The following TOX2 variants were observed in gnomAD, a reference collection of about 807,000 sequenced individuals.
TOX2 encodes TOX high mobility group box family member 2.
In TOX2, 15 loss-of-function variants were observed where a neutral mutation model predicts 47.4. The ratio of observed to expected loss-of-function variants is 0.32; its 90% CI spans 0.21 to 0.49. The LOEUF (loss-of-function observed/expected upper bound fraction) is 0.49. Ranked by LOEUF, TOX2 falls within the 20% of genes least tolerant of loss-of-function variation. The probability of loss-of-function intolerance (pLI) is 0.99; values close to 1 mark genes in which losing one functional copy is unlikely to be tolerated. For synonymous variants in TOX2, 290 were observed against 296.6 expected (o/e 0.98, Z 0.23); for missense variants, 622 against 673.1 (o/e 0.92, Z 0.84).
intron 1 of TOX2, among the ~76,000 whole-genome samples, chr20:43,918,411 G>C (rs966823442): frequency 2.0e-5 from 3 of 152,174 alleles, no homozygotes; most frequent in Admixed American, 6.5e-5. Context: ...CAGCATCCCA[G>C]TCCAGATAGA....
At chr20:43,966,757 A>C (rs1047084108) in intron 1 of TOX2, among the ~76,000 whole-genome samples, 91 of 151,326 alleles carry the variant, frequency 6.0e-4, no homozygotes, top group South Asian at 4.0e-3. Flanking sequence ...CTGTCTCAAA[A>C]AAAAAAAAAA....
At chr20:43,973,555 T>C (rs2070017008) in intron 2 of TOX2, 123 bp downstream of exon 2, 2 of 784,444 alleles carry the variant, frequency 2.5e-6, no homozygotes, top group Admixed American at 2.3e-5. Flanking sequence ...GTCTTCTCTC[T>C]GAATGATCAA....
At chr20:43,986,492 G>C (rs190584432) in intron 2 of TOX2, among the ~76,000 whole-genome samples, 102 of 152,186 alleles carry the variant, frequency 6.7e-4, no homozygotes, top group African/African-American at 2.4e-3. Context: ...ATGTTGGCCA[G>C]GCTGGTCTCG....
chr20:43,951,287 G>A (rs563545944), intron 1 of TOX2, among the ~76,000 whole-genome samples: 2 of 151,644 alleles, frequency 1.3e-5, no homozygotes, highest in South Asian at 4.1e-4. Flanking sequence ...TTAAAATAGA[G>A]TAGATAGGCC....
chr20:44,008,119 T>A (rs1304098149), intron 3 of TOX2, among the ~76,000 whole-genome samples: 1 of 152,052 alleles, frequency 6.6e-6, no homozygotes, highest in Non-Finnish European at 1.5e-5. Flanking sequence ...GCTCGTGCCA[T>A]GCTTGGGAAT....
intron 3 of TOX2, among the ~76,000 whole-genome samples, chr20:44,044,691 A>T (rs1186024555): frequency 6.6e-6 from 1 of 152,178 alleles, no homozygotes; most frequent in African/African-American, 2.4e-5. Context: ...AATTGAAGTG[A>T]TATAGCCACT....
intron 1 of TOX2, among the ~76,000 whole-genome samples, chr20:43,940,284 T>C (rs1412214900): frequency 2.6e-5 from 4 of 152,074 alleles, no homozygotes; most frequent in African/African-American, 7.2e-5. Flanking sequence ...GGCATGATTA[T>C]AGTTCACTGC....
rs915272252 is a variant in TOX2, at chr20:43,952,464, G to C, written c.100-20903G>C. Among the ~76,000 whole-genome samples, 22 of 152,200 alleles carry C rather than the reference G, an allele frequency of 1.4e-4. 1 individual carries two copies. Among genetic ancestry groups the C allele is most frequent in the African/African-American group, 5.3e-4 (22 of 41,434 alleles). The stretch of plus-strand genomic sequence containing the variant: ...CATGACAATCAGCAGAGAAGTAGGG[G>C]TTGGGCTCTGCTCCACAGATCACTC... On this transcript the variant is annotated intron_variant, in intron 1 of 8. Coordinates refer to ENST00000341197, the MANE Select transcript of TOX2 (RefSeq NM_001098797.2).
intron 1 of TOX2, among the ~76,000 whole-genome samples, chr20:43,971,499 T>C (rs1039883462): frequency 2.0e-5 from 3 of 152,156 alleles, no homozygotes; most frequent in African/African-American, 4.8e-5. Context: ...TTTCACATGG[T>C]TGTGGGCGTG....
At chr20:44,030,603 A>C (rs1021840697) in intron 3 of TOX2, among the ~76,000 whole-genome samples, 1 of 152,200 alleles carries the variant, frequency 6.6e-6, no homozygotes, top group South Asian at 2.1e-4. Context: ...TTGACCGCTG[A>C]TCTTACAGCC....
chr20:44,031,416 G>A (rs2071149347), intron 3 of TOX2, among the ~76,000 whole-genome samples: 1 of 152,212 alleles, frequency 6.6e-6, no homozygotes, highest in African/African-American at 2.4e-5. Context: ...GAGCGCATTA[G>A]TAGCATGGGT....
intron 2 of TOX2, among the ~76,000 whole-genome samples, chr20:43,983,279 C>T (rs1199569577): frequency 6.6e-6 from 1 of 152,172 alleles, no homozygotes; most frequent in African/African-American, 2.4e-5. Flanking sequence ...AACAGACACA[C>T]AAGAACTTGG....
chr20:44,048,167 G>A (rs974271952), intron 3 of TOX2, among the ~76,000 whole-genome samples: 5 of 151,884 alleles, frequency 3.3e-5, no homozygotes, highest in Admixed American at 1.3e-4. Flanking sequence ...AGAGGTTGTG[G>A]TGAGCCGAGA....
At chr20:43,922,046 G>A (rs3886281) in intron 1 of TOX2, among the ~76,000 whole-genome samples, 99,190 of 152,012 alleles carry the variant, frequency 0.65, 34,317 homozygotes, top group East Asian at 0.81. Context: ...CAGCTGCCCA[G>A]TCCACTGGCT....
intron 2 of TOX2, among the ~76,000 whole-genome samples, chr20:43,991,225 C>A (rs2070362152): frequency 6.6e-6 from 1 of 152,176 alleles, no homozygotes; most frequent in Non-Finnish European, 1.5e-5. Flanking sequence ...AACCAGGAGA[C>A]CCCGATGGGC....
At chr20:43,994,053 C>T (rs1364369342) in intron 2 of TOX2, among the ~76,000 whole-genome samples, 1 of 151,818 alleles carries the variant, frequency 6.6e-6, no homozygotes, top group Non-Finnish European at 1.5e-5. Flanking sequence ...TTGGGTGTCT[C>T]AGGTGGAAGA....
rs73120107 is a variant in TOX2, at chr20:43,990,767, G to T, written c.166-15780G>T. 2.2e-3 allele frequency among the ~76,000 whole-genome samples: 342 copies of T among 152,300 alleles called. 2 individuals carry two copies. Among genetic ancestry groups the T allele is most frequent in the Middle Eastern group, 0.017 (5 of 294 alleles). Reference sequence around the variant, plus strand: ...GTGCTCTAGGGGACTTCACTGCTCAGCCTGGTGTCCTGGGATCTCGGGGCA... The same window carrying T: ...GTGCTCTAGGGGACTTCACTGCTCATCCTGGTGTCCTGGGATCTCGGGGCA... On this transcript the variant is annotated intron_variant, in intron 2 of 8. Transcript: ENST00000341197.
intron 5 of TOX2, among the ~76,000 whole-genome samples, chr20:44,061,640 A>T (rs2071720206): frequency 1.3e-5 from 2 of 152,124 alleles, no homozygotes; most frequent in Admixed American, 6.5e-5. Context: ...AGAGAAAGAA[A>T]GAGCATCCAA....
At chr20:44,054,230 CTG>C in intron 4 of TOX2, 67 bp from the exon 5 acceptor site, 6 of 1,507,094 alleles carry the variant, frequency 4.0e-6, no homozygotes, top group Non-Finnish European at 5.4e-6. Context: ...CGGCCCAAGT[CTG>C]TGTTGATCGC....
Sources: gnomAD v4.1 joint callset for allele counts (sites outside exome capture counted in the v4.1 genomes callset) on GRCh38, gnomAD v4.1.1 for gene constraint, MANE v1.5 for transcripts, NCBI Gene and HGNC (gene_info 2026-07-23, HGNC 2026-07-21) for gene names.